The following PLCB1 variants were observed in gnomAD, a reference collection of about 807,000 sequenced individuals.
The protein encoded by PLCB1 is phospholipase C beta 1, also known as 1-phosphatidylinositol 4,5-bisphosphate phosphodiesterase beta-1.
Under a neutral mutation model 161.8 loss-of-function variants are expected in PLCB1, and 46 were observed. The ratio of observed to expected loss-of-function variants is 0.28; its 90% CI spans 0.22 to 0.36. PLCB1 has a LOEUF of 0.36. Among genes scored for constraint, PLCB1 ranks in the 10% least tolerant of loss-of-function variants. The pLI is 1.00. For missense variants in PLCB1, 1,016 were observed against 1,472.5 expected (o/e 0.69, Z 5.07); for synonymous variants, 517 against 503.7 (o/e 1.03, Z -0.35).
chr20:8,248,066 G>A (rs1486607982), intron 2 of PLCB1, among the ~76,000 whole-genome samples: 1 of 151,938 alleles, frequency 6.6e-6, no homozygotes, highest in East Asian at 1.9e-4. Flanking sequence ...ATGTGCAGGG[G>A]ATTTATTAGG....
At chr20:8,374,435 G>A (rs708928) in intron 3 of PLCB1, among the ~76,000 whole-genome samples, 59,773 of 151,790 alleles carry the variant, frequency 0.39, 12,776 homozygotes, top group South Asian at 0.56. Context: ...GTGTGAGAAC[G>A]GACTATTACC....
intron 3 of PLCB1, among the ~76,000 whole-genome samples, chr20:8,545,788 C>T (rs1985516248): frequency 6.6e-6 from 1 of 152,126 alleles, no homozygotes; most frequent in African/African-American, 2.4e-5. Context: ...GCTAGTGGAA[C>T]AGCTAACATT....
At chr20:8,828,378 T>C (rs1985815146) in intron 31 of PLCB1, among the ~76,000 whole-genome samples, 2 of 152,240 alleles carry the variant, frequency 1.3e-5, no homozygotes, top group Admixed American at 6.5e-5. Flanking sequence ...TCAGTTAGTC[T>C]CTTGACAGCA....
At chr20:8,283,828 A>G (rs986422451) in intron 2 of PLCB1, among the ~76,000 whole-genome samples, 77 of 152,098 alleles carry the variant, frequency 5.1e-4, no homozygotes, top group Non-Finnish European at 7.4e-5. Context: ...TTTGTGAACA[A>G]CATAGAATCT....
At chr20:8,240,142 A>AT (rs554860489) in intron 2 of PLCB1, among the ~76,000 whole-genome samples, 3 of 151,502 alleles carry the variant, frequency 2.0e-5, no homozygotes, top group Non-Finnish European at 2.9e-5. Context: ...ATAATCTATG[A>AT]TTTTTTTTCA....
At chr20:8,227,240 G>A (rs1452321772) in intron 2 of PLCB1, among the ~76,000 whole-genome samples, 1 of 152,080 alleles carries the variant, frequency 6.6e-6, no homozygotes, top group African/African-American at 2.4e-5. Flanking sequence ...GGTCATGAAT[G>A]AGGAAGCTTC....
At chr20:8,253,983 G>A (rs982652957) in intron 2 of PLCB1, among the ~76,000 whole-genome samples, 1 of 151,900 alleles carries the variant, frequency 6.6e-6, no homozygotes, top group African/African-American at 2.4e-5. Context: ...AGTATCCCAC[G>A]GTGTACATAT....
At chr20:8,192,476 C>A (rs6118098) in intron 2 of PLCB1, among the ~76,000 whole-genome samples, 1 of 151,720 alleles carries the variant, frequency 6.6e-6, no homozygotes, top group South Asian at 2.1e-4. Flanking sequence ...TCCTGAGTAT[C>A]TTAACATCAG....
At chr20:8,383,524 C>T (rs1027566922) in intron 3 of PLCB1, among the ~76,000 whole-genome samples, 1 of 152,050 alleles carries the variant, frequency 6.6e-6, no homozygotes, top group Non-Finnish European at 1.5e-5. Flanking sequence ...AACATTTATC[C>T]CATTTATATT....
At chr20:8,163,703 G>A (rs2051648178) in intron 2 of PLCB1, among the ~76,000 whole-genome samples, 1 of 152,142 alleles carries the variant, frequency 6.6e-6, no homozygotes, top group Non-Finnish European at 1.5e-5. Flanking sequence ...TACCCCCATG[G>A]CCACATTTGG....
At chr20:8,842,337 T>C (rs1294285037) in intron 31 of PLCB1, among the ~76,000 whole-genome samples, 1 of 152,226 alleles carries the variant, frequency 6.6e-6, no homozygotes, top group African/African-American at 2.4e-5. Flanking sequence ...TTGCTAATGA[T>C]TACTGATTTT....
At chr20:8,774,861 C>T (rs1982868758) in intron 27 of PLCB1, 142 bp downstream of exon 27, 4 of 561,660 alleles carry the variant, frequency 7.1e-6, no homozygotes, top group South Asian at 3.3e-5. Context: ...ACACAGTGTC[C>T]ATCACACTAT....
At position 8,502,856 on chromosome 20, in the gene PLCB1, C is replaced by A. The variant is rs545457421; in HGVS notation, c.247-125438C>A. Reference sequence around the variant, plus strand: ...GCAAAATTAGTTTAATTTTGTTTTACTCCTGTGTCTTGTGCTTTCTCATTT... The same window carrying A: ...GCAAAATTAGTTTAATTTTGTTTTAATCCTGTGTCTTGTGCTTTCTCATTT... On this transcript the variant is annotated intron_variant, in intron 3 of 31. Coordinates refer to ENST00000338037, the MANE Select transcript of PLCB1 (RefSeq NM_015192.4). Among the ~76,000 whole-genome samples, 8 of 152,246 alleles carry A rather than the reference C, an allele frequency of 5.3e-5. No homozygotes were observed. The South Asian group carries it at 1.5e-3, about 28-fold the overall frequency.
chr20:8,478,800 T>C (rs1464150208), intron 3 of PLCB1, among the ~76,000 whole-genome samples: 14 of 152,146 alleles, frequency 9.2e-5, no homozygotes, highest in Non-Finnish European at 4.4e-5. Flanking sequence ...AAATATCAAT[T>C]CTGAAAAAAA....
chr20:8,612,953 C>T (rs1282770703), intron 3 of PLCB1, among the ~76,000 whole-genome samples: 1 of 152,018 alleles, frequency 6.6e-6, no homozygotes, highest in African/African-American at 2.4e-5. Context: ...AGACATGGCC[C>T]AGCTTAACAC....
intron 2 of PLCB1, among the ~76,000 whole-genome samples, chr20:8,244,468 G>A (rs1277555406): frequency 6.6e-6 from 1 of 151,868 alleles, no homozygotes; most frequent in Non-Finnish European, 1.5e-5. Flanking sequence ...ATGTTAAGTG[G>A]AAGAAATAGG....
intron 3 of PLCB1, among the ~76,000 whole-genome samples, chr20:8,440,814 A>G (rs2122610962): frequency 6.6e-6 from 1 of 151,986 alleles, no homozygotes; most frequent in Middle Eastern, 3.4e-3. Flanking sequence ...TCCCCACACA[A>G]AGAAATGATA....
intron 3 of PLCB1, among the ~76,000 whole-genome samples, chr20:8,603,979 G>C (rs987965554): frequency 6.6e-6 from 1 of 152,216 alleles, no homozygotes; most frequent in Non-Finnish European, 1.5e-5. Flanking sequence ...TTGGCCGGGT[G>C]TGGTGGCTCA....
At chr20:8,139,236 G>A (rs2123009135) in intron 1 of PLCB1, among the ~76,000 whole-genome samples, 1 of 151,998 alleles carries the variant, frequency 6.6e-6, no homozygotes, top group South Asian at 2.1e-4. Flanking sequence ...ACAGGCACAT[G>A]CCACCATGCC....
Sources: gnomAD v4.1 joint callset for allele counts (sites outside exome capture counted in the v4.1 genomes callset) on GRCh38, gnomAD v4.1.1 for gene constraint, MANE v1.5 for transcripts, NCBI Gene and HGNC (gene_info 2026-07-23, HGNC 2026-07-21) for gene names.